HIVEP2: variants seen among roughly 807,000 people sequenced by gnomAD.
HIVEP2 encodes transcription factor HIVEP2.
In HIVEP2, 14 loss-of-function variants were observed where a neutral mutation model predicts 180.7. The ratio of observed to expected loss-of-function variants is 0.08; its 90% confidence interval spans 0.05 to 0.12. The LOEUF is 0.12. Among genes scored for constraint, HIVEP2 ranks in the 10% least tolerant of loss-of-function variants. HIVEP2 has a pLI of 1.00. For missense variants in HIVEP2, 2,579 were observed against 3,008.5 expected, an observed-to-expected ratio of 0.86 and a Z score of 3.34; for synonymous variants, 1,184 against 1,136.4, an observed-to-expected ratio of 1.04 and a Z score of -0.84.
At chr6:142,944,270 T>C (rs1778247084) in intron 1 of HIVEP2, among the ~76,000 whole-genome samples, 1 of 151,674 alleles carries the variant, frequency 6.6e-6, no homozygotes, top group Non-Finnish European at 1.5e-5. Context: ...CTGGATGTGT[T>C]ATGTAAGAGG....
At chr6:142,927,103 C>G (rs949813936) in intron 1 of HIVEP2, among the ~76,000 whole-genome samples, 2 of 151,912 alleles carry the variant, frequency 1.3e-5, no homozygotes, top group Non-Finnish European at 2.9e-5. Flanking sequence ...CTACCGGAGG[C>G]CAGCCCTGGG....
intron 2 of HIVEP2, among the ~76,000 whole-genome samples, chr6:142,821,991 G>A (rs903477487): frequency 4.6e-5 from 7 of 152,290 alleles, no homozygotes; most frequent in East Asian, 1.9e-4. Flanking sequence ...CTTGGACTTC[G>A]TCATAATCAA....
chr6:142,911,155 A>AAC lies in HIVEP2; in HGVS notation c.-641+33943_-641+33944insGT, dbSNP rs1199705129. On this transcript the variant is annotated intron_variant, in intron 1 of 9. Coordinates refer to ENST00000367603, the MANE Select transcript of HIVEP2 (RefSeq NM_006734.4). ...CAAACACATTAAAAAAAAAAAAAAA[A>AAC]AAAAACTTAAAAATAAGCACAAACA... Among the ~76,000 whole-genome samples the AAC allele has an allele frequency of 5.3e-5, 8 of 151,770 alleles. No homozygotes were observed. The East Asian group carries it at 1.4e-3, about 26-fold the overall frequency.
At chr6:142,868,194 C>G (rs1776191285) in intron 1 of HIVEP2, among the ~76,000 whole-genome samples, 1 of 152,150 alleles carries the variant, frequency 6.6e-6, no homozygotes, top group African/African-American at 2.4e-5. Context: ...GATGAAGGGT[C>G]AAGAGGGTAG....
chr6:142,880,014 T>A (rs1023294566), intron 1 of HIVEP2, among the ~76,000 whole-genome samples: 1 of 152,166 alleles, frequency 6.6e-6, no homozygotes, highest in Non-Finnish European at 1.5e-5. Flanking sequence ...CCAATTTCAG[T>A]GAATGAAATT....
chr6:142,873,820 T>C lies in HIVEP2; in HGVS notation c.-640-36773A>G, dbSNP rs555592867. 4.6e-5 allele frequency among the ~76,000 whole-genome samples: 7 copies of C among 152,288 alleles called. No individual in the cohort carries two copies. The East Asian group carries it at 1.4e-3, about 29-fold the overall frequency. On this transcript the variant is annotated intron_variant, in intron 1 of 9. Transcript: ENST00000367603. ...AATAGATGAGGTGTTCCCTAGCTCC[T>C]GAATTTTTTTAAGTTGACCAATAAT...
intron 2 of HIVEP2, among the ~76,000 whole-genome samples, chr6:142,785,627 C>T (rs1192574550): frequency 2.0e-5 from 3 of 152,318 alleles, no homozygotes; most frequent in African/African-American, 4.8e-5. Flanking sequence ...TGAGTGCCCC[C>T]CAACAAGCTC....
intron 2 of HIVEP2, among the ~76,000 whole-genome samples, chr6:142,791,111 G>A (rs546707735): frequency 1.2e-4 from 18 of 152,250 alleles, no homozygotes; most frequent in Non-Finnish European, 2.4e-4. Flanking sequence ...ATTGGTCTGT[G>A]TGCCTGTGTA....
chr6:142,853,646 A>T (rs529676035), intron 1 of HIVEP2, among the ~76,000 whole-genome samples: 1 of 152,328 alleles, frequency 6.6e-6, no homozygotes, highest in Admixed American at 6.5e-5. Flanking sequence ...TTGAGTCAAT[A>T]GGATATGAAA....
In HIVEP2 at chr6:142,773,858, T is replaced by C; in HGVS notation, c.881A>G (p.Lys294Arg). ...TGGGATGGGTGGACCAGGACTCATT[T>C]TGTCAGAAGCCTCGGCAAATAAAGA... ...ESSLFAEASD[K>R]MSPGPPIPLD... The change falls in exon 5 of 10, where the codon AAA (lysine) becomes AGA (arginine). Residue 294 changes from lysine to arginine, a missense_variant. This residue lies in a region of HIVEP2 where 142 missense variants were observed against 135.2 expected (regional missense o/e 1.05). Transcript: ENST00000367603. The C allele has an allele frequency of 6.2e-7, 1 of 1,613,654 alleles. No homozygotes were observed. The highest frequency in any genetic ancestry group is 8.5e-7 in the Non-Finnish European group (1 of 1,180,026).
chr6:142,834,738 C>T (rs1442231647), intron 2 of HIVEP2, among the ~76,000 whole-genome samples: 1 of 151,888 alleles, frequency 6.6e-6, no homozygotes, highest in Non-Finnish European at 1.5e-5. Flanking sequence ...GAGAATGTTC[C>T]TTTCTTACTT....
chr6:142,797,482 C>T (rs751559418), intron 2 of HIVEP2, among the ~76,000 whole-genome samples: 1 of 152,100 alleles, frequency 6.6e-6, no homozygotes, highest in Non-Finnish European at 1.5e-5. Context: ...CAATATCACC[C>T]AAAACTGTAA....
Position 142,769,916 on chromosome 6 carries a change from A to T in HIVEP2, c.4823T>A (p.Leu1608Gln). The T allele has an allele frequency of 1.2e-6, 2 of 1,614,084 alleles. No homozygotes were observed. The change falls in exon 5 of 10, where the codon CTG becomes CAG. Residue 1608 changes from leucine to glutamine, a missense_variant. Around this residue, in one of 11 missense-constraint regions of HIVEP2, gnomAD observed 349 missense variants for 367.2 expected, o/e 0.95. Coordinates refer to ENST00000367603, the MANE Select transcript of HIVEP2 (RefSeq NM_006734.4). ...GCTGGGGGCAGAGGCCATGCGGACCAGCATGCCAACAGGCCGCTTGTGGCC... is the reference window on the plus strand; with the variant it reads ...GCTGGGGGCAGAGGCCATGCGGACCTGCATGCCAACAGGCCGCTTGTGGCC... ...GKGHKRPVGM[L>Q]VRMASAPSGN... is the part of the protein sequence containing the mutation.
chr6:142,815,575 T>C (rs1394018073), intron 2 of HIVEP2, among the ~76,000 whole-genome samples: 1 of 152,176 alleles, frequency 6.6e-6, no homozygotes, highest in Non-Finnish European at 1.5e-5. Context: ...ATTTCTAACA[T>C]AGATTAATCT....
chr6:142,920,528 A>G (rs967148327), intron 1 of HIVEP2, among the ~76,000 whole-genome samples: 3 of 152,190 alleles, frequency 2.0e-5, no homozygotes, highest in Non-Finnish European at 4.4e-5. Context: ...CCAGGAAATC[A>G]ATTCCTGAAT....
At chr6:142,871,779 C>T (rs1189042804) in intron 1 of HIVEP2, among the ~76,000 whole-genome samples, 3 of 152,162 alleles carry the variant, frequency 2.0e-5, no homozygotes, top group South Asian at 2.1e-4. Context: ...AGGCTTAATA[C>T]AGGACTTTAT....
At chr6:142,880,538 C>T (rs1376976310) in intron 1 of HIVEP2, among the ~76,000 whole-genome samples, 1 of 152,204 alleles carries the variant, frequency 6.6e-6, no homozygotes, top group Non-Finnish European at 1.5e-5. Context: ...TCCAGATTCT[C>T]TGAGGCCTGG....
chr6:142,780,169 T>C (rs1775817595), intron 3 of HIVEP2, among the ~76,000 whole-genome samples: 1 of 152,230 alleles, frequency 6.6e-6, no homozygotes, highest in Admixed American at 6.5e-5. Context: ...AATCTCTTCC[T>C]TTTAAATTTC....
rs191095535 is a variant in HIVEP2 at position 142,894,426 on chromosome 6, C to T, written c.-641+50673G>A. On this transcript the variant is annotated intron_variant, in intron 1 of 9. Coordinates refer to ENST00000367603, the MANE Select transcript of HIVEP2 (RefSeq NM_006734.4). ...GTTTGACTGTTCAAGAGCACAGGGG[C>T]CATATCTTACTCATCATTTTATAGC... is the stretch of plus-strand genomic sequence containing the variant. Among the ~76,000 whole-genome samples the T allele has an allele frequency of 3.4e-4, 52 of 152,290 alleles. No homozygotes were observed. The East Asian group carries it at 0.01, about 29-fold the overall frequency.
Sources: gnomAD v4.1 joint callset for allele counts (sites outside exome capture counted in the v4.1 genomes callset) on GRCh38, gnomAD v4.1.1 for gene constraint, gnomAD v4.1.1 regional missense constraint, MANE v1.5 for transcripts, NCBI Gene and HGNC (gene_info 2026-07-23, HGNC 2026-07-21) for gene names.